PREP: variants seen among roughly 807,000 people sequenced by gnomAD.
PREP encodes the protein dJ355L5.1 (prolyl endopeptidase).
Under a neutral mutation model 87.6 loss-of-function variants are expected in PREP, and 29 were observed. That is an observed-to-expected ratio of 0.33 (90% CI 0.25 to 0.45). The LOEUF is 0.45. PREP is among the 20% of genes least tolerant of loss of function. The pLI is 1.00. For synonymous variants in PREP, 337 were observed against 328.6 expected, an observed-to-expected ratio of 1.03 and a Z score of -0.28; for missense variants, 695 against 886.5, an observed-to-expected ratio of 0.78 and a Z score of 2.74.
Position 105,376,275 on chromosome 6 carries a change from T to A in PREP, c.255-20A>T. 6.2e-7 allele frequency: 1 copy of A among 1,608,448 alleles called. No homozygotes were observed. The highest frequency in any genetic ancestry group is 8.5e-7 in the Non-Finnish European group (1 of 1,177,460). Reference sequence around the variant, plus strand: ...AAATACCTGGGGAACAGAGATGGTCTTTATTCAGCTGTGGAGTTTTCTATT... The same window carrying A: ...AAATACCTGGGGAACAGAGATGGTCATTATTCAGCTGTGGAGTTTTCTATT... On this transcript the variant is annotated intron_variant, in intron 3 of 14. Transcript: ENST00000652536.
At chr6:105,300,865 GAAGT>G (rs1351775424) in intron 10 of PREP, among the ~76,000 whole-genome samples, 1 of 152,178 alleles carries the variant, frequency 6.6e-6, no homozygotes, top group Non-Finnish European at 1.5e-5. Context: ...AGAAAAAAGA[GAAGT>G]AAATATGACA....
intron 10 of PREP, among the ~76,000 whole-genome samples, chr6:105,321,460 C>G (rs541751403): frequency 6.6e-6 from 1 of 152,234 alleles, no homozygotes; most frequent in Admixed American, 6.5e-5. Context: ...CACGGTTTAA[C>G]CTGGACATTC....
chr6:105,316,954 A>G (rs1460830885), intron 10 of PREP, among the ~76,000 whole-genome samples: 2 of 151,272 alleles, frequency 1.3e-5, no homozygotes, highest in African/African-American at 4.9e-5. Flanking sequence ...CATTTAGTCT[A>G]ATTAATTTTT....
At position 105,277,795 on chromosome 6, in the gene PREP, A is replaced by C; in HGVS notation, c.*349T>G. The stretch of plus-strand genomic sequence containing the variant: ...ACAGTTCTCACATTTATTTAAAGAT[A>C]TAGAGGTTATGGATATAGATAAGTA... On this transcript the variant is annotated 3_prime_UTR_variant, in exon 15 of 15. Coordinates refer to ENST00000652536, the MANE Select transcript of PREP (RefSeq NM_002726.5). The C allele has an allele frequency of 4.1e-6, 1 of 242,510 alleles. No individual in the cohort carries two copies. The highest frequency in any genetic ancestry group is 9.3e-5 in the East Asian group (1 of 10,796). 15.0% of individuals were successfully genotyped at this position (242,510 alleles called of 1,614,324 possible).
intron 2 of PREP, among the ~76,000 whole-genome samples, chr6:105,389,952 C>T (rs1316805687): frequency 6.6e-6 from 1 of 152,142 alleles, no homozygotes; most frequent in Admixed American, 6.5e-5. Flanking sequence ...TGAAGGGCAC[C>T]TGGGAAAGCA....
In PREP at chr6:105,323,685, A is replaced by C. The variant is rs774901017; in HGVS notation, c.1297T>G (p.Ser433Ala). ...REVTVKGIDA[S>A]DYQTVQIFYP... Reference sequence around the variant, plus strand: ...CATACCTGGACTGTCTGGTAATCAGAAGCATCAATTCCTTTTACGGTCACC... The same window carrying C: ...CATACCTGGACTGTCTGGTAATCAGCAGCATCAATTCCTTTTACGGTCACC... The change falls in exon 10 of 15, where the codon TCT becomes GCT. Residue 433 changes from serine to alanine, a missense_variant. Physicochemically the swap from Ser to Ala is moderately conservative, Grantham distance 99 (BLOSUM62 1). This residue lies in a region of PREP where 517 missense variants were observed against 620.3 expected (regional missense o/e 0.83). Transcript: ENST00000652536. 1.9e-6 allele frequency: 3 copies of C among 1,611,676 alleles called. No individual in the cohort carries two copies. The highest frequency in any genetic ancestry group is 2.5e-6 in the Non-Finnish European group (3 of 1,177,730).
rs1441608663 is a variant in PREP at position 105,341,942 on chromosome 6, T to C, written c.824-8437A>G. 2.6e-5 allele frequency among the ~76,000 whole-genome samples: 4 copies of C among 152,190 alleles called. No individual in the cohort carries two copies. The East Asian group carries it at 7.7e-4, about 29-fold the overall frequency. ...AGGTCCAGATGGACTCACAGCTGAA[T>C]TCTACCAGAGGTACAAAGAGGAGCT... On this transcript the variant is annotated intron_variant, in intron 7 of 14. Coordinates refer to ENST00000652536, the MANE Select transcript of PREP (RefSeq NM_002726.5).
intron 4 of PREP, among the ~76,000 whole-genome samples, chr6:105,375,328 G>T (rs867448094): frequency 6.6e-6 from 1 of 152,154 alleles, no homozygotes; most frequent in Non-Finnish European, 1.5e-5. Flanking sequence ...TAATCATATG[G>T]TTTTTTCTAT....
In PREP at chr6:105,273,525, C is replaced by G. The variant is rs1450924246; in HGVS notation, c.*4619G>C. 1 of 152,200 alleles carries G rather than the reference C, an allele frequency of 6.6e-6. No homozygotes were observed. The highest frequency in any genetic ancestry group is 6.5e-5 in the Admixed American group (1 of 15,278). 9.4% of individuals were successfully genotyped at this position (152,200 alleles called of 1,614,324 possible). A position where few individuals can be genotyped will look rare whatever the true frequency, so the allele number is the denominator to read the frequency against. Reference sequence around the variant, plus strand: ...TCAGACTATACCCAGTCATTTGTGTCTGGCTTCTTTCACTTATAATGTTTT... The same window carrying G: ...TCAGACTATACCCAGTCATTTGTGTGTGGCTTCTTTCACTTATAATGTTTT... On this transcript the variant is annotated 3_prime_UTR_variant, in exon 15 of 15. Coordinates refer to ENST00000652536, the MANE Select transcript of PREP (RefSeq NM_002726.5).
chr6:105,360,897 G>A (rs1583081255), intron 6 of PREP, among the ~76,000 whole-genome samples: 1 of 152,124 alleles, frequency 6.6e-6, no homozygotes, highest in Non-Finnish European at 1.5e-5. Flanking sequence ...CAAGGTCATC[G>A]GCTCTACCAC....
Position 105,277,132 on chromosome 6 carries a change from TAAA to T in PREP, c.*1009_*1011del, listed in dbSNP as rs1014346601. Among the ~76,000 whole-genome samples, 2 of 151,090 alleles carry T rather than the reference TAAA, an allele frequency of 1.3e-5. No individual in the cohort carries two copies. Among genetic ancestry groups the T allele is most frequent in the Non-Finnish European group, 2.9e-5 (2 of 67,894 alleles). ...TGAAAGTTTAAGGAATAGTATATCT[TAAA>T]AATCTTGGGGGTGGGCAAACCAAAA... On this transcript the variant is annotated 3_prime_UTR_variant, in exon 15 of 15. Transcript: ENST00000652536.
intron 6 of PREP, among the ~76,000 whole-genome samples, chr6:105,364,037 T>C (rs1772319865): frequency 2.6e-5 from 4 of 152,202 alleles, no homozygotes; most frequent in Admixed American, 1.3e-4. Context: ...CAATTCCCAA[T>C]AAGCAAAACT....
chr6:105,278,364 G>A lies in PREP; in HGVS notation c.1913C>T (p.Ala638Val). Residue 638 changes from alanine (A) to valine (V), a missense_variant, in exon 15 of 15, where the codon GCT becomes GTT. Around this residue, in one of 5 missense-constraint regions of PREP, gnomAD observed 121 missense variants for 154.8 expected, o/e 0.78. Transcript: ENST00000652536. The surrounding 1 kb of genome is among the most constrained non-coding windows in gnomAD (Gnocchi z 4.2). The part of the protein sequence containing the change: ...IQYPSMLLLT[A>V]DHDDRVVPLH... ...CGGGACCACGCGGTCATCATGGTCA[G>A]CAGTGAGGAGCAGCATGGACGGGTA... 1 of 1,614,174 alleles carries A rather than the reference G, an allele frequency of 6.2e-7. No individual in the cohort carries two copies. Among genetic ancestry groups the A allele is most frequent in the Admixed American group, 1.7e-5 (1 of 60,038 alleles).
intron 12 of PREP, among the ~76,000 whole-genome samples, chr6:105,284,118 A>G (rs567253752): frequency 6.6e-6 from 1 of 152,336 alleles, no homozygotes; most frequent in South Asian, 2.1e-4. Context: ...TCATCTTTTA[A>G]TATCAGTTTC....
intron 7 of PREP, among the ~76,000 whole-genome samples, chr6:105,339,898 A>C (rs1771590722): frequency 6.6e-6 from 1 of 152,212 alleles, no homozygotes; most frequent in Non-Finnish European, 1.5e-5. Flanking sequence ...TGAAAAGATC[A>C]AATGTGGTCT....
At chr6:105,372,316 T>A (rs1419181827) in intron 5 of PREP, among the ~76,000 whole-genome samples, 2 of 152,194 alleles carry the variant, frequency 1.3e-5, no homozygotes, top group African/African-American at 4.8e-5. Context: ...GTAGCTGTGC[T>A]TCTTGCCAGA....
intron 10 of PREP, among the ~76,000 whole-genome samples, chr6:105,314,780 T>C (rs1770827228): frequency 6.6e-6 from 1 of 152,184 alleles, no homozygotes; most frequent in Non-Finnish European, 1.5e-5. Context: ...CCATGAATCA[T>C]AAATGTTCCT....
At chr6:105,353,164 GTTAA>G (rs1772002847) in intron 6 of PREP, 87 bp from the exon 7 acceptor site, 1 of 1,125,748 alleles carries the variant, frequency 8.9e-7, no homozygotes. Context: ...AAAAATTAAG[GTTAA>G]TTTTCAAAGG....
intron 6 of PREP, among the ~76,000 whole-genome samples, chr6:105,362,353 C>T (rs1443487872): frequency 2.0e-5 from 3 of 152,128 alleles, no homozygotes; most frequent in Non-Finnish European, 4.4e-5. Flanking sequence ...CCCAACTACT[C>T]GGGAGGCTGA....
Sources: allele counts gnomAD v4.1 joint callset (sites outside exome capture counted in the v4.1 genomes callset), GRCh38; gene constraint gnomAD v4.1.1; regional missense constraint gnomAD v4.1.1; non-coding constraint Gnocchi (gnomAD v3.1); transcripts MANE v1.5; gene names NCBI Gene and HGNC (gene_info 2026-07-23, HGNC 2026-07-21).